ERC2: variants seen among roughly 807,000 people sequenced by gnomAD.
ERC2 encodes the protein ELKS/RAB6-interacting/CAST family member 2, also known as ERC protein 2.
In ERC2, 42 loss-of-function variants were observed where a neutral mutation model predicts 114.8. That is an observed-to-expected ratio of 0.37 (90% confidence interval 0.29 to 0.47). The LOEUF (loss-of-function observed/expected upper bound fraction) is 0.47, where lower values mean the gene tolerates loss of function less well. Among genes scored for constraint, ERC2 ranks in the 20% least tolerant of loss-of-function variants. ERC2 has a pLI of 0.99. For synonymous variants in ERC2, 454 were observed against 425.5 expected (o/e 1.07, Z -0.82); for missense variants, 939 against 1,150.7 (o/e 0.82, Z 2.66).
At chr3:56,427,283 A>G (rs2061608773) in intron 2 of ERC2, among the ~76,000 whole-genome samples, 1 of 151,546 alleles carries the variant, frequency 6.6e-6, no homozygotes, top group Non-Finnish European at 1.5e-5. Flanking sequence ...TTGGTTGGTT[A>G]GTTGGTTGAT....
At chr3:56,196,599 C>G (rs2048121499) in intron 3 of ERC2, among the ~76,000 whole-genome samples, 1 of 151,560 alleles carries the variant, frequency 6.6e-6, no homozygotes, top group Admixed American at 6.6e-5. Context: ...AACCATCAAC[C>G]TGTCCACAAA....
chr3:55,750,730 A>C (rs186754732), intron 14 of ERC2, among the ~76,000 whole-genome samples: 2 of 152,334 alleles, frequency 1.3e-5, no homozygotes, highest in African/African-American at 4.8e-5. Flanking sequence ...GGATGCTAGA[A>C]TACCACCACC....
chr3:55,846,850 G>A (rs59983433), intron 14 of ERC2, among the ~76,000 whole-genome samples: 27,085 of 152,068 alleles, frequency 0.18, 3,555 homozygotes, highest in African/African-American at 0.36. Flanking sequence ...CCCTGCCACT[G>A]GGAAACTCAG....
At chr3:55,757,512 C>T (rs188724840) in intron 14 of ERC2, among the ~76,000 whole-genome samples, 40 of 152,180 alleles carry the variant, frequency 2.6e-4, no homozygotes, top group African/African-American at 9.2e-4. Context: ...ATGTTCAACC[C>T]ATAAAAATGA....
intron 7 of ERC2, among the ~76,000 whole-genome samples, chr3:56,032,971 A>C (rs71617288): frequency 2.3e-5 from 2 of 85,706 alleles, no homozygotes; most frequent in Non-Finnish European, 5.0e-5. Flanking sequence ...GAAAGAAAGA[A>C]AGAAAGAGAA....
At chr3:55,853,640 T>C (rs1289024857) in intron 14 of ERC2, among the ~76,000 whole-genome samples, 1 of 152,230 alleles carries the variant, frequency 6.6e-6, no homozygotes, top group African/African-American at 2.4e-5. Flanking sequence ...GAAGACATTA[T>C]GCTAAGTGAA....
intron 2 of ERC2, among the ~76,000 whole-genome samples, chr3:56,343,192 T>TCTCTCTCTCTCTCTCTCTCACA (rs1376220124): frequency 2.4e-5 from 3 of 126,130 alleles, no homozygotes; most frequent in African/African-American, 9.1e-5. Flanking sequence ...TCTCTCTCTC[T>TCTCTCTCTCTCTCTCTCTCACA]CACACACACA....
intron 1 of ERC2, among the ~76,000 whole-genome samples, chr3:56,450,146 C>T (rs972967145): frequency 6.6e-6 from 1 of 152,224 alleles, no homozygotes. Context: ...TTCAAAATTG[C>T]TTTCCCATCA....
chr3:55,781,004 T>C (rs1180181488), intron 14 of ERC2, among the ~76,000 whole-genome samples: 1 of 152,240 alleles, frequency 6.6e-6, no homozygotes, highest in Non-Finnish European at 1.5e-5. Flanking sequence ...AAGGAAGCTA[T>C]CAGTGACATC....
At chr3:55,674,854 A>G (rs914102334) in intron 17 of ERC2, among the ~76,000 whole-genome samples, 1 of 152,160 alleles carries the variant, frequency 6.6e-6, no homozygotes, top group Non-Finnish European at 1.5e-5. Flanking sequence ...CCACCCACAC[A>G]AACCTAAAAG....
At chr3:55,940,016 T>C (rs1450608645) in intron 13 of ERC2, among the ~76,000 whole-genome samples, 1 of 152,202 alleles carries the variant, frequency 6.6e-6, no homozygotes, top group Non-Finnish European at 1.5e-5. Flanking sequence ...AAAACAGAGT[T>C]CTTAGAGTGA....
At chr3:56,086,423 G>A (rs2077505737) in intron 6 of ERC2, among the ~76,000 whole-genome samples, 1 of 151,818 alleles carries the variant, frequency 6.6e-6, no homozygotes, top group Non-Finnish European at 1.5e-5. Flanking sequence ...AAAGGAATTT[G>A]GGTCGTGCCT....
At chr3:55,891,849 A>AGACCACAAGTAACTCCCTTCTTGCC (rs1235407317) in intron 13 of ERC2, among the ~76,000 whole-genome samples, 5 of 152,336 alleles carry the variant, frequency 3.3e-5, no homozygotes, top group Admixed American at 6.5e-5. Context: ...CTACTCTTGC[A>AGACCACAAGTAACTCCCTTCTTGCC]GACCACAAGT....
intron 14 of ERC2, among the ~76,000 whole-genome samples, chr3:55,875,990 G>C (rs1377919268): frequency 6.6e-6 from 1 of 152,110 alleles, no homozygotes; most frequent in Admixed American, 6.6e-5. Flanking sequence ...AGAGAAGAGA[G>C]AGTGGGTAAG....
intron 6 of ERC2, among the ~76,000 whole-genome samples, chr3:56,095,801 G>A (rs1317353773): frequency 6.6e-6 from 1 of 152,174 alleles, no homozygotes; most frequent in African/African-American, 2.4e-5. Flanking sequence ...GCTGCAGGTG[G>A]AGGAAATGGC....
At chr3:56,443,322 CACTGTACATCTGCTTCTTA>C (rs1315762112) in intron 1 of ERC2, among the ~76,000 whole-genome samples, 1 of 152,162 alleles carries the variant, frequency 6.6e-6, no homozygotes, top group Non-Finnish European at 1.5e-5. Context: ...ATGTCTTCAC[CACTGTACATCTGCTTCTTA>C]ACAATAAATT....
chr3:56,260,888 T>C (rs1460443992), intron 3 of ERC2, among the ~76,000 whole-genome samples: 1 of 152,230 alleles, frequency 6.6e-6, no homozygotes, highest in Non-Finnish European at 1.5e-5. Context: ...GTCTACCATA[T>C]CTCACAAAAT....
chr3:56,279,266 G>A (rs1052691685), intron 3 of ERC2, among the ~76,000 whole-genome samples: 1 of 152,190 alleles, frequency 6.6e-6, no homozygotes, highest in African/African-American at 2.4e-5. Context: ...TCAGTGAACT[G>A]GACATGGTTC....
intron 7 of ERC2, among the ~76,000 whole-genome samples, chr3:56,058,766 TG>T (rs1393860555): frequency 6.6e-6 from 1 of 152,214 alleles, no homozygotes; most frequent in Non-Finnish European, 1.5e-5. Flanking sequence ...AACTCTTTCC[TG>T]GGTCTCCAGC....
Sources: gnomAD v4.1 joint callset for allele counts (sites outside exome capture counted in the v4.1 genomes callset) on GRCh38, gnomAD v4.1.1 for gene constraint, MANE v1.5 for transcripts, NCBI Gene and HGNC (gene_info 2026-07-23, HGNC 2026-07-21) for gene names.